Variants in ELMO1 observed in about 807,000 individuals in gnomAD.
ELMO1 encodes the protein engulfment and cell motility protein 1.
In ELMO1, 26 loss-of-function variants were observed where a neutral mutation model predicts 98.9. The observed-to-expected ratio is 0.26, with a 90% CI of 0.19 to 0.36. The LOEUF (loss-of-function observed/expected upper bound fraction) is 0.36. Among genes scored for constraint, ELMO1 ranks in the 10% least tolerant of loss-of-function variants. The probability of loss-of-function intolerance (pLI) is 1.00; values close to 1 mark genes in which losing one functional copy is unlikely to be tolerated. For synonymous variants in ELMO1, 346 were observed against 346.0 expected (o/e 1.00, Z 0.00); for missense variants, 627 against 935.2 (o/e 0.67, Z 4.30).
intron 15 of ELMO1, among the ~76,000 whole-genome samples, chr7:37,030,353 GT>G (rs202005930): frequency 1.5e-4 from 22 of 150,490 alleles, no homozygotes; most frequent in Non-Finnish European, 2.5e-4. Context: ...ACTTGAAACT[GT>G]TTTTTTTTCC....
chr7:37,351,419 G>A (rs945407412), intron 1 of ELMO1, among the ~76,000 whole-genome samples: 6 of 152,188 alleles, frequency 3.9e-5, no homozygotes, highest in Admixed American at 1.3e-4. Context: ...CTTCTGCTGG[G>A]GATGAAGCTG....
intron 15 of ELMO1, among the ~76,000 whole-genome samples, chr7:37,036,892 C>A (rs1795204827): frequency 6.6e-6 from 1 of 152,162 alleles, no homozygotes; most frequent in South Asian, 2.1e-4. Flanking sequence ...TTCAAAAGAA[C>A]TTCTCAGCAA....
At chr7:37,324,215 T>C (rs1415591737) in intron 2 of ELMO1, among the ~76,000 whole-genome samples, 1 of 152,198 alleles carries the variant, frequency 6.6e-6, no homozygotes. Flanking sequence ...TAAGCCCAAA[T>C]GCTCACCTTG....
chr7:37,164,342 T>C (rs2129638275), intron 13 of ELMO1, among the ~76,000 whole-genome samples: 1 of 152,228 alleles, frequency 6.6e-6, no homozygotes, highest in East Asian at 1.9e-4. Flanking sequence ...TTTAGTTTAA[T>C]TAGATCCCAT....
At chr7:37,364,771 C>G (rs1002395716) in intron 1 of ELMO1, among the ~76,000 whole-genome samples, 1 of 152,124 alleles carries the variant, frequency 6.6e-6, no homozygotes, top group Non-Finnish European at 1.5e-5. Context: ...CTAAGGATAT[C>G]GGCTTTTCTA....
chr7:37,228,150 C>T (rs17170945), intron 8 of ELMO1, among the ~76,000 whole-genome samples: 9,836 of 152,210 alleles, frequency 0.065, 1,039 homozygotes, highest in African/African-American at 0.22. Context: ...CCTAATACTT[C>T]CACTTAATGA....
At chr7:37,298,195 G>C (rs188955235) in intron 4 of ELMO1, among the ~76,000 whole-genome samples, 421 of 150,886 alleles carry the variant, frequency 2.8e-3, no homozygotes, top group South Asian at 6.3e-3. Context: ...CCTAACTACA[G>C]TGCTGACAAG....
intron 14 of ELMO1, among the ~76,000 whole-genome samples, chr7:37,124,382 A>T (rs1786338131): frequency 6.6e-6 from 1 of 152,226 alleles, no homozygotes; most frequent in Admixed American, 6.5e-5. Context: ...TTTTCTAGAA[A>T]ACCCCATCAT....
intron 16 of ELMO1, among the ~76,000 whole-genome samples, chr7:36,964,364 T>A (rs926550795): frequency 1.3e-5 from 2 of 152,180 alleles, no homozygotes; most frequent in Admixed American, 6.5e-5. Flanking sequence ...TCATCTAACG[T>A]AAAGTATATT....
chr7:37,321,437 G>T (rs1799486011), intron 2 of ELMO1, among the ~76,000 whole-genome samples: 1 of 151,848 alleles, frequency 6.6e-6, no homozygotes, highest in South Asian at 2.1e-4. Flanking sequence ...GCCCTAGGAG[G>T]CCGGGCGCGG....
chr7:37,307,466 G>A (rs1798671771), intron 4 of ELMO1, among the ~76,000 whole-genome samples: 1 of 152,056 alleles, frequency 6.6e-6, no homozygotes, highest in African/African-American at 2.4e-5. Flanking sequence ...CCAGCCCTGC[G>A]GAACTGTGAG....
At chr7:37,141,200 C>T (rs1295929870) in intron 13 of ELMO1, among the ~76,000 whole-genome samples, 1 of 152,156 alleles carries the variant, frequency 6.6e-6, no homozygotes, top group Non-Finnish European at 1.5e-5. Flanking sequence ...GAATATGACT[C>T]AGCCATAAAA....
chr7:37,357,462 A>G (rs1294693773), intron 1 of ELMO1, among the ~76,000 whole-genome samples: 1 of 152,142 alleles, frequency 6.6e-6, no homozygotes, highest in African/African-American at 2.4e-5. Context: ...CTAAGACATA[A>G]TGATTACTCA....
At chr7:37,302,106 C>T (rs4720241) in intron 4 of ELMO1, among the ~76,000 whole-genome samples, 78,780 of 152,008 alleles carry the variant, frequency 0.52, 20,780 homozygotes, top group East Asian at 0.7. Context: ...AGATTCTTTG[C>T]CACTCCTTCC....
chr7:36,949,317 G>C (rs1481989269), intron 16 of ELMO1, among the ~76,000 whole-genome samples: 1 of 152,128 alleles, frequency 6.6e-6, no homozygotes, highest in African/African-American at 2.4e-5. Context: ...CTTGTGCCTT[G>C]GCCACAAATG....
At position 36,923,423 on chromosome 7, in the gene ELMO1, T is replaced by C. The variant is rs77444008; in HGVS notation, c.1438-28406A>G. Among the ~76,000 whole-genome samples, 392 of 152,304 alleles carry C rather than the reference T, an allele frequency of 2.6e-3. 4 individuals are homozygous for C. Among genetic ancestry groups the C allele is most frequent in the African/African-American group, 9.0e-3 (374 of 41,564 alleles). Reference sequence around the variant, plus strand: ...AACAGTTCCAAGGAAGCTATGACCATTGAAAGCCTACAAGGAAGAAAATAA... The same window carrying C: ...AACAGTTCCAAGGAAGCTATGACCACTGAAAGCCTACAAGGAAGAAAATAA... On this transcript the variant is annotated intron_variant, in intron 16 of 21. Coordinates refer to ENST00000310758, the MANE Select transcript of ELMO1 (RefSeq NM_014800.11).
At chr7:37,275,103 T>A (rs1796760825) in intron 4 of ELMO1, among the ~76,000 whole-genome samples, 1 of 152,224 alleles carries the variant, frequency 6.6e-6, no homozygotes, top group Admixed American at 6.5e-5. Context: ...CAACAAATGC[T>A]GTGCTCTGTC....
intron 2 of ELMO1, among the ~76,000 whole-genome samples, chr7:37,326,372 C>G (rs1252103407): frequency 6.6e-6 from 1 of 151,842 alleles, no homozygotes; most frequent in Non-Finnish European, 1.5e-5. Context: ...CTGGCCCACA[C>G]GGTGAAACTC....
At chr7:37,183,268 A>C (rs137916582) in intron 13 of ELMO1, among the ~76,000 whole-genome samples, 176 of 152,352 alleles carry the variant, frequency 1.2e-3, no homozygotes, top group African/African-American at 4.1e-3. Context: ...CACAGCAACT[A>C]AATACATCAA....
Sources: gnomAD v4.1 joint callset for allele counts (sites outside exome capture counted in the v4.1 genomes callset) on GRCh38, gnomAD v4.1.1 for gene constraint, MANE v1.5 for transcripts, NCBI Gene and HGNC (gene_info 2026-07-23, HGNC 2026-07-21) for gene names.